Variants in PRRX2 observed in about 807,000 individuals in gnomAD.
PRRX2 encodes paired related homeobox 2.
Under a neutral mutation model 18.0 loss-of-function variants are expected in PRRX2, and 11 were observed. The ratio of observed to expected loss-of-function variants is 0.61; its 90% CI spans 0.39 to 1.01. The LOEUF (loss-of-function observed/expected upper bound fraction) is 1.01. Ranked by LOEUF, PRRX2 falls within the 50% of genes least tolerant of loss-of-function variation. The probability of loss-of-function intolerance (pLI) is 0.01; values close to 1 mark genes in which losing one functional copy is unlikely to be tolerated. For missense variants in PRRX2, 387 were observed against 351.0 expected (o/e 1.10, Z -0.82); for synonymous variants, 177 against 154.8 (o/e 1.14, Z -1.06).
intron 1 of PRRX2, among the ~76,000 whole-genome samples, chr9:129,670,421 T>C (rs1207876730): frequency 6.6e-6 from 1 of 152,136 alleles, no homozygotes; most frequent in African/African-American, 2.4e-5. Flanking sequence ...ATTGACCGGG[T>C]TGGAGTACAG....
chr9:129,722,209 G>A lies in PRRX2; in HGVS notation c.627-8G>A, dbSNP rs1832801887. On this transcript the variant is annotated splice_polypyrimidine_tract_variant and splice_region_variant and intron_variant, in intron 3 of 3. Coordinates refer to ENST00000372469, the MANE Select transcript of PRRX2 (RefSeq NM_016307.4). ...ACCCATGTGACCTGTGTCTCATGTC[G>A]CCCCCAGCACAGTGCCACCCTACAG... 5.0e-6 allele frequency: 8 copies of A among 1,611,324 alleles called. No homozygotes were observed. The highest frequency in any genetic ancestry group is 1.1e-5 in the South Asian group (1 of 90,864).
Position 129,695,367 on chromosome 9 carries a change from T to C in PRRX2, c.260-23864T>C, listed in dbSNP as rs1050136569. 1.3e-5 allele frequency among the ~76,000 whole-genome samples: 2 copies of C among 152,228 alleles called. No individual in the cohort carries two copies. Among genetic ancestry groups the C allele is most frequent in the African/African-American group, 2.4e-5 (1 of 41,458 alleles). ...CTGTCTTTAGCCCCAGAGGAAACTGTCTTTTCAAAGAGAGAGGCTGCGGAA... is the reference window on the plus strand; with the variant it reads ...CTGTCTTTAGCCCCAGAGGAAACTGCCTTTTCAAAGAGAGAGGCTGCGGAA... On this transcript the variant is annotated intron_variant, in intron 1 of 3. Transcript: ENST00000372469. This position sits in a 1 kb window ranked among gnomAD's most constrained non-coding sequence, Gnocchi z 4.8.
chr9:129,708,688 T>C (rs1459380593), intron 1 of PRRX2, among the ~76,000 whole-genome samples: 1 of 152,244 alleles, frequency 6.6e-6, no homozygotes, highest in African/African-American at 2.4e-5. Context: ...TTATCTTTTT[T>C]TCTGTAGTTG....
At position 129,685,052 on chromosome 9, in the gene PRRX2, C is replaced by T. The variant is rs575485894; in HGVS notation, c.259+18926C>T. On this transcript the variant is annotated intron_variant, in intron 1 of 3. Coordinates refer to ENST00000372469, the MANE Select transcript of PRRX2 (RefSeq NM_016307.4). ...ACCAGGGCAGGCAGTGTGCCACTGACGCCCCTCCTGCCCTCTCCCTGGGCT... is the reference window on the plus strand; with the variant it reads ...ACCAGGGCAGGCAGTGTGCCACTGATGCCCCTCCTGCCCTCTCCCTGGGCT... 4.2e-4 allele frequency among the ~76,000 whole-genome samples: 64 copies of T among 152,318 alleles called. No homozygotes were observed. In the East Asian group the frequency reaches 5.4e-3, roughly 13 times the overall value.
chr9:129,676,924 T>G (rs1198520422), intron 1 of PRRX2, among the ~76,000 whole-genome samples: 1 of 152,258 alleles, frequency 6.6e-6, no homozygotes, highest in Non-Finnish European at 1.5e-5. Context: ...ATGGGCATTT[T>G]GTTTCATTTC....
chr9:129,716,545 C>A (rs1267568683), intron 1 of PRRX2, among the ~76,000 whole-genome samples: 2 of 151,854 alleles, frequency 1.3e-5, no homozygotes, highest in African/African-American at 4.8e-5. Flanking sequence ...ACCTCCACCC[C>A]ACAGGTTCAA....
chr9:129,719,145 C>G, intron 1 of PRRX2, 86 bp from the exon 2 acceptor site: 1 of 1,327,020 alleles, frequency 7.5e-7, no homozygotes, highest in Non-Finnish European at 1.0e-6. Flanking sequence ...CTAAAGCACT[C>G]AGAGCAAACT....
At chr9:129,719,128 G>A (rs925350899) in intron 1 of PRRX2, 103 bp from the exon 2 acceptor site, 26 of 1,125,518 alleles carry the variant, frequency 2.3e-5, no homozygotes, top group Admixed American at 1.9e-4. Context: ...CATTCCTGGC[G>A]GCGGCACTAA....
rs1156246554 is a variant in PRRX2 at position 129,709,941 on chromosome 9, C to T, written c.260-9290C>T. Among the ~76,000 whole-genome samples the T allele has an allele frequency of 1.3e-5, 2 of 152,084 alleles. No individual in the cohort carries two copies. Among genetic ancestry groups the T allele is most frequent in the Non-Finnish European group, 2.9e-5 (2 of 68,016 alleles). On this transcript the variant is annotated intron_variant, in intron 1 of 3. Coordinates refer to ENST00000372469, the MANE Select transcript of PRRX2 (RefSeq NM_016307.4). This position sits in a 1 kb window ranked among gnomAD's most constrained non-coding sequence, Gnocchi z 4.2. ...CTCAACACAGATTGATGAGAGGTTCCCTGTGCCAGCCCCTGTGATGCATTC... is the reference window on the plus strand; with the variant it reads ...CTCAACACAGATTGATGAGAGGTTCTCTGTGCCAGCCCCTGTGATGCATTC...
chr9:129,719,707 C>T (rs1167344101), intron 2 of PRRX2, among the ~76,000 whole-genome samples: 1 of 152,230 alleles, frequency 6.6e-6, no homozygotes, highest in Non-Finnish European at 1.5e-5. Flanking sequence ...CATAAAGCGG[C>T]CAGGCACAGT....
At chr9:129,689,663 C>A (rs1023267946) in intron 1 of PRRX2, among the ~76,000 whole-genome samples, 1 of 150,636 alleles carries the variant, frequency 6.6e-6, no homozygotes, top group Non-Finnish European at 1.5e-5. Flanking sequence ...AGCTGGCGAG[C>A]TTTCAATGAA....
At position 129,668,436 on chromosome 9, in the gene PRRX2, T is replaced by G. The variant is rs571268822; in HGVS notation, c.259+2310T>G. 3.8e-4 allele frequency among the ~76,000 whole-genome samples: 58 copies of G among 152,214 alleles called. No individual in the cohort carries two copies. The South Asian group carries it at 7.7e-3, about 20-fold the overall frequency. ...CCCCTCACCACGGATCCAGACATGC[T>G]TGGAGGTGGGTTTTCCTGTGGCTCT... On this transcript the variant is annotated intron_variant, in intron 1 of 3. Transcript: ENST00000372469.
rs192578126 is a variant in PRRX2 at position 129,701,777 on chromosome 9, G to A, written c.260-17454G>A. Among the ~76,000 whole-genome samples, 35 of 152,334 alleles carry A rather than the reference G, an allele frequency of 2.3e-4. No individual in the cohort carries two copies. In the South Asian group the frequency reaches 3.1e-3, roughly 14 times the overall value. ...AGAATTAAACAGATATGCTGTTGTC[G>A]TGGGATTTGTAGGAGATTTTTTTCC... On this transcript the variant is annotated intron_variant, in intron 1 of 3. Transcript: ENST00000372469.
chr9:129,686,622 C>T (rs1341161912), intron 1 of PRRX2, among the ~76,000 whole-genome samples: 1 of 152,202 alleles, frequency 6.6e-6, no homozygotes, highest in Non-Finnish European at 1.5e-5. Flanking sequence ...CATGAGCCTC[C>T]CACCTCAGCC....
chr9:129,693,431 T>C (rs1273415177), intron 1 of PRRX2, among the ~76,000 whole-genome samples: 2 of 152,056 alleles, frequency 1.3e-5, no homozygotes, highest in African/African-American at 2.4e-5. Flanking sequence ...CCGTCTCTAC[T>C]AAAAATACAA....
intron 1 of PRRX2, among the ~76,000 whole-genome samples, chr9:129,674,163 G>A (rs1337343517): frequency 6.6e-6 from 1 of 152,128 alleles, no homozygotes; most frequent in Non-Finnish European, 1.5e-5. Flanking sequence ...TGCTCTCGCT[G>A]CCCTGAGCCC....
Position 129,719,398 on chromosome 9 carries a change from C to A in PRRX2, c.427C>A (p.Leu143Ile). The A allele has an allele frequency of 6.5e-7, 1 of 1,542,430 alleles. No individual in the cohort carries two copies. The highest frequency in any genetic ancestry group is 8.7e-7 in the Non-Finnish European group (1 of 1,144,206). The change falls in exon 2 of 4, where the codon CTC becomes ATC. Residue 143 changes from leucine (L) to isoleucine (I), a missense_variant. Coordinates refer to ENST00000372469, the MANE Select transcript of PRRX2 (RefSeq NM_016307.4). The stretch of plus-strand genomic sequence containing the variant: ...CGAGGAGCTTGCCCGGCGCGTCAAC[C>A]TCAGCGAGGCGCGCGTTCAGGTGAG... ...VREELARRVN[L>I]SEARVQVWFQ... is the part of the protein sequence containing the mutation.
chr9:129,720,228 C>T (rs1832771623), intron 2 of PRRX2, among the ~76,000 whole-genome samples: 1 of 149,820 alleles, frequency 6.7e-6, no homozygotes, highest in East Asian at 2.0e-4. Context: ...CCTCTCCCCG[C>T]GAGTGCTCAG....
intron 1 of PRRX2, among the ~76,000 whole-genome samples, chr9:129,674,802 C>T (rs986553648): frequency 5.3e-5 from 8 of 152,162 alleles, no homozygotes; most frequent in African/African-American, 1.2e-4. Flanking sequence ...TCTGAGCCTC[C>T]GTGTCCCCAT....
Sources: gnomAD v4.1 joint callset for allele counts (sites outside exome capture counted in the v4.1 genomes callset) on GRCh38, gnomAD v4.1.1 for gene constraint, Gnocchi (gnomAD v3.1) non-coding constraint, MANE v1.5 for transcripts, NCBI Gene and HGNC (gene_info 2026-07-23, HGNC 2026-07-21) for gene names.